The following GABRB1 variants were observed in gnomAD, a reference collection of about 807,000 sequenced individuals.
GABRB1 encodes the protein gamma-aminobutyric acid receptor subunit beta-1.
A neutral mutation model predicts 51.6 loss-of-function variants in GABRB1; 17 were observed. The observed-to-expected ratio is 0.33, with a 90% CI of 0.23 to 0.49. GABRB1 has a LOEUF of 0.49. Among genes scored for constraint, GABRB1 ranks in the 20% least tolerant of loss-of-function variants. The pLI, the probability that GABRB1 is intolerant of heterozygous loss-of-function variation, is 0.99. For synonymous variants in GABRB1, 247 were observed against 218.9 expected (o/e 1.13, Z -1.14); for missense variants, 410 against 600.6 (o/e 0.68, Z 3.32).
At chr4:47,280,909 C>T (rs1723269380) in intron 4 of GABRB1, among the ~76,000 whole-genome samples, 1 of 151,448 alleles carries the variant, frequency 6.6e-6, no homozygotes, top group Non-Finnish European at 1.5e-5. Context: ...CTGCCTTAGC[C>T]TCCCGAAGTG....
chr4:47,299,425 C>T (rs928942145), intron 4 of GABRB1, among the ~76,000 whole-genome samples: 4 of 152,144 alleles, frequency 2.6e-5, no homozygotes, highest in East Asian at 1.9e-4. Flanking sequence ...AAAAAGTGGG[C>T]GAAGGACATG....
intron 8 of GABRB1, among the ~76,000 whole-genome samples, chr4:47,424,551 C>T (rs1442194215): frequency 6.6e-6 from 1 of 152,148 alleles, no homozygotes; most frequent in South Asian, 2.1e-4. Flanking sequence ...TCACTAGGCT[C>T]TTTTGCCTCC....
At chr4:47,119,499 T>C (rs1362792754) in intron 3 of GABRB1, among the ~76,000 whole-genome samples, 1 of 139,206 alleles carries the variant, frequency 7.2e-6, no homozygotes, top group Non-Finnish European at 1.5e-5. Flanking sequence ...CAAAACATTT[T>C]CTTTTTCTTT....
chr4:47,103,378 A>G (rs958650169), intron 3 of GABRB1, among the ~76,000 whole-genome samples: 24 of 152,144 alleles, frequency 1.6e-4, no homozygotes, highest in African/African-American at 5.5e-4. Context: ...CTTTCTATAG[A>G]TATATTGATA....
chr4:47,315,382 A>C (rs896998534), intron 4 of GABRB1, among the ~76,000 whole-genome samples: 6 of 151,986 alleles, frequency 3.9e-5, no homozygotes, highest in African/African-American at 1.4e-4. Flanking sequence ...AAAAAATATG[A>C]GATGCTGGTA....
chr4:47,204,117 C>T (rs1260734166), intron 4 of GABRB1, among the ~76,000 whole-genome samples: 1 of 152,122 alleles, frequency 6.6e-6, no homozygotes, highest in East Asian at 1.9e-4. Flanking sequence ...AGTAGTAAAT[C>T]ACTATATTTT....
At chr4:47,076,164 G>A (rs1429699958) in intron 3 of GABRB1, among the ~76,000 whole-genome samples, 1 of 152,180 alleles carries the variant, frequency 6.6e-6, no homozygotes, top group East Asian at 1.9e-4. Context: ...AATTCCAGCA[G>A]CATTGGCTAG....
At chr4:47,321,174 T>C (rs953471310) in intron 5 of GABRB1, among the ~76,000 whole-genome samples, 1 of 152,216 alleles carries the variant, frequency 6.6e-6, no homozygotes, top group South Asian at 2.1e-4. Flanking sequence ...ATTACTATAG[T>C]ACCACTTAAT....
chr4:47,390,869 A>G (rs2110038551), intron 5 of GABRB1, among the ~76,000 whole-genome samples: 1 of 152,212 alleles, frequency 6.6e-6, no homozygotes, highest in South Asian at 2.1e-4. Context: ...ATGAAAACTC[A>G]AGCTTCTACT....
At chr4:47,095,664 C>T (rs1403526665) in intron 3 of GABRB1, among the ~76,000 whole-genome samples, 1 of 152,242 alleles carries the variant, frequency 6.6e-6, no homozygotes, top group South Asian at 2.1e-4. Flanking sequence ...TTAGCTGACA[C>T]TGCTGAGTTA....
chr4:47,026,358 G>A (rs1213782888), intron 1 of GABRB1, among the ~76,000 whole-genome samples: 1 of 151,846 alleles, frequency 6.6e-6, no homozygotes, highest in Non-Finnish European at 1.5e-5. Context: ...TAATCACCGG[G>A]TTGTTTGTTT....
chr4:47,338,308 C>T (rs1377454301), intron 5 of GABRB1, among the ~76,000 whole-genome samples: 1 of 152,170 alleles, frequency 6.6e-6, no homozygotes, highest in Admixed American at 6.6e-5. Context: ...TGTGCACATG[C>T]CTTTTCTGAC....
At chr4:47,025,104 C>CAT (rs1219277157) in intron 1 of GABRB1, among the ~76,000 whole-genome samples, 3 of 149,568 alleles carry the variant, frequency 2.0e-5, no homozygotes, top group Non-Finnish European at 4.4e-5. Flanking sequence ...ATATATATAT[C>CAT]ATATATATAT....
At chr4:47,038,527 C>T (rs1218960550) in intron 3 of GABRB1, among the ~76,000 whole-genome samples, 1 of 152,110 alleles carries the variant, frequency 6.6e-6, no homozygotes, top group Non-Finnish European at 1.5e-5. Context: ...TGTTGTGAAA[C>T]AGAAGGAAAG....
intron 4 of GABRB1, among the ~76,000 whole-genome samples, chr4:47,289,039 C>CT (rs1004660682): frequency 9.7e-4 from 143 of 147,906 alleles, no homozygotes; most frequent in East Asian, 4.5e-3. Flanking sequence ...GCACAAGCCT[C>CT]TTTTTTTTTT....
At chr4:47,150,814 A>G (rs952585030) in intron 3 of GABRB1, among the ~76,000 whole-genome samples, 2 of 152,072 alleles carry the variant, frequency 1.3e-5, no homozygotes, top group East Asian at 3.9e-4. Flanking sequence ...GAAAAAAGTA[A>G]CAATGCATAT....
At chr4:47,306,794 T>C (rs1408049411) in intron 4 of GABRB1, among the ~76,000 whole-genome samples, 1 of 152,174 alleles carries the variant, frequency 6.6e-6, no homozygotes, top group Non-Finnish European at 1.5e-5. Context: ...CCCATGTTCA[T>C]ACATGTAGAC....
chr4:47,113,486 A>G (rs1227362293), intron 3 of GABRB1, among the ~76,000 whole-genome samples: 1 of 152,250 alleles, frequency 6.6e-6, no homozygotes, highest in Non-Finnish European at 1.5e-5. Flanking sequence ...AACAATAAAT[A>G]GAAATATACA....
At chr4:47,032,525 A>G (rs1467779871) in intron 3 of GABRB1, 41 bp downstream of exon 3, 1 of 1,584,912 alleles carries the variant, frequency 6.3e-7, no homozygotes, top group African/African-American at 1.3e-5. Flanking sequence ...CGGCTTACGC[A>G]GATGGGAAAT....
Sources: gnomAD v4.1 joint callset for allele counts (sites outside exome capture counted in the v4.1 genomes callset) on GRCh38, gnomAD v4.1.1 for gene constraint, MANE v1.5 for transcripts, NCBI Gene and HGNC (gene_info 2026-07-23, HGNC 2026-07-21) for gene names.